Variants in PRR14L observed in about 807,000 individuals in gnomAD.
PRR14L encodes the protein proline rich 14 like.
In PRR14L, 80 loss-of-function variants were observed where a neutral mutation model predicts 155.0. The observed-to-expected ratio is 0.52, with a 90% CI of 0.43 to 0.62. The LOEUF (loss-of-function observed/expected upper bound fraction) is 0.62. Ranked by LOEUF, PRR14L falls within the 20% of genes least tolerant of loss-of-function variation. The pLI, the probability that PRR14L is intolerant of heterozygous loss-of-function variation, is 0.00. For synonymous variants in PRR14L, 883 were observed against 916.0 expected (o/e 0.96, Z 0.65); for missense variants, 2,469 against 2,548.0 (o/e 0.97, Z 0.67).
chr22:31,685,987 C>T (rs530223908), intron 8 of PRR14L, among the ~76,000 whole-genome samples, 184 bp from the exon 9 acceptor site: 70 of 152,052 alleles, frequency 4.6e-4, no homozygotes, highest in African/African-American at 1.4e-3. Context: ...CAGGCTGGAG[C>T]GCAATGGCAT....
At chr22:31,704,172 T>G (rs2074577716) in intron 5 of PRR14L, among the ~76,000 whole-genome samples, 1 of 152,214 alleles carries the variant, frequency 6.6e-6, no homozygotes, top group Non-Finnish European at 1.5e-5. Context: ...ACCTGCATTC[T>G]AGTCACTTCC....
intron 2 of PRR14L, among the ~76,000 whole-genome samples, chr22:31,735,653 A>AAG (rs2074776339): frequency 1.3e-5 from 2 of 151,832 alleles, no homozygotes; most frequent in South Asian, 2.1e-4. Context: ...AAAAAAAAAA[A>AAG]AAAAGAAACT....
Position 31,714,721 on chromosome 22 carries a change from C to T in PRR14L, c.3118G>A (p.Val1040Ile). 6.4e-7 allele frequency: 1 copy of T among 1,552,402 alleles called. No homozygotes were observed. Among genetic ancestry groups the T allele is most frequent in the African/African-American group, 1.4e-5 (1 of 73,194 alleles). Residue 1040 changes from valine (V) to isoleucine (I), a missense_variant, in exon 4 of 9, where the codon GTC (valine) becomes ATC (isoleucine). Val to Ile is a conservative substitution (Grantham distance 29). Around this residue, in one of 2 missense-constraint regions of PRR14L, gnomAD observed 2,363 missense variants for 2,371.6 expected, o/e 1.00. Coordinates refer to ENST00000327423, the MANE Select transcript of PRR14L (RefSeq NM_173566.3). ...PKKCNLKGAF[V>I]KMSGCDESTE... ...GACTCATCACAACCAGACATCTTGA[C>T]AAAGGCTCCTTTCAAATTGCATTTC... is the stretch of plus-strand genomic sequence containing the variant.
rs2074479071 is a variant in PRR14L, at chr22:31,685,728, C to T, written c.6255G>A (p.Lys2085=). 1 of 1,551,650 alleles carries T rather than the reference C, an allele frequency of 6.4e-7. No individual in the cohort carries two copies. Among genetic ancestry groups the T allele is most frequent in the Non-Finnish European group, 8.7e-7 (1 of 1,146,978 alleles). ...TAAAATCCTGAAATTCTAGAACTCG[C>T]TTCCTCTTCTGTTGGCTGATTGAGA... ...TLISISQQKR[K]RVLEFQDFTV... is the part of the protein sequence containing the mutation. Residue 2085 remains lysine (K), a synonymous_variant, in exon 9 of 9, where the codon AAG becomes AAA. Transcript: ENST00000327423.
At chr22:31,707,116 T>G (rs145898412) in intron 4 of PRR14L, among the ~76,000 whole-genome samples, 494 of 152,170 alleles carry the variant, frequency 3.2e-3, no homozygotes, top group Non-Finnish European at 5.4e-3. Context: ...CACATGATGT[T>G]AAGGTATTTT....
chr22:31,745,859 A>T (rs747667), intron 1 of PRR14L, among the ~76,000 whole-genome samples: 28,222 of 137,898 alleles, frequency 0.2, 3,314 homozygotes, highest in African/African-American at 0.33. Context: ...AAAAAAAAAA[A>T]AAATATATAT....
At position 31,714,606 on chromosome 22, in the gene PRR14L, T is replaced by G. The variant is rs2147864014; in HGVS notation, c.3233A>C (p.Asp1078Ala). Residue 1078 changes from aspartate (D) to alanine (A), a missense_variant, in exon 4 of 9, where the codon GAT becomes GCT. Asp to Ala is a moderately radical substitution (Grantham distance 126). This residue lies in a region of PRR14L where 2,363 missense variants were observed against 2,371.6 expected (regional missense o/e 1.00). Transcript: ENST00000327423. ...CAGTTTCTCTTGCCTTGCACCACAA[T>G]CCAGTAGATTAGATGCCTTCACGTC... ...VLDVKASNLLDCGARQEKLAF... is the reference protein window; with the variant it reads ...VLDVKASNLLACGARQEKLAF... 1 of 1,551,968 alleles carries G rather than the reference T, an allele frequency of 6.4e-7. No homozygotes were observed.
chr22:31,697,369 T>C (rs2074540385), intron 7 of PRR14L, among the ~76,000 whole-genome samples: 1 of 151,332 alleles, frequency 6.6e-6, no homozygotes, highest in African/African-American at 2.4e-5. Context: ...AGGTATCTCA[T>C]GGAAAGGAGT....
chr22:31,727,572 C>T (rs1354264907), intron 2 of PRR14L, among the ~76,000 whole-genome samples: 1 of 152,036 alleles, frequency 6.6e-6, no homozygotes, highest in Non-Finnish European at 1.5e-5. Flanking sequence ...GAGAGACTTC[C>T]TCCCTGACTT....
chr22:31,731,902 G>A (rs1390586048), intron 2 of PRR14L, among the ~76,000 whole-genome samples: 1 of 152,160 alleles, frequency 6.6e-6, no homozygotes, highest in Non-Finnish European at 1.5e-5. Flanking sequence ...TTGTAATACA[G>A]TTAAGACTCA....
Position 31,715,857 on chromosome 22 carries a change from T to C in PRR14L, c.1982A>G (p.Gln661Arg). Residue 661 changes from glutamine to arginine, a missense_variant, in exon 4 of 9, where the codon CAA becomes CGA. By Grantham distance (43) the Gln-to-Arg change is conservative. Transcript: ENST00000327423. Reference sequence around the variant, plus strand: ...GTCAGTTGGCAAATTTGCATGTTCTTGAGAATTAAGGGACACTTGTTGATT... The same window carrying C: ...GTCAGTTGGCAAATTTGCATGTTCTCGAGAATTAAGGGACACTTGTTGATT... ...VLNQQVSLNS[Q>R]EHANLPTDSL... is the part of the protein sequence containing the mutation. The C allele has an allele frequency of 6.4e-7, 1 of 1,551,410 alleles. No homozygotes were observed. The highest frequency in any genetic ancestry group is 8.7e-7 in the Non-Finnish European group (1 of 1,146,720).
intron 2 of PRR14L, among the ~76,000 whole-genome samples, chr22:31,728,681 A>G (rs1266623825): frequency 6.8e-6 from 1 of 146,064 alleles, no homozygotes; most frequent in African/African-American, 2.5e-5. Flanking sequence ...GTGCCACTGC[A>G]CTCCAGCCTG....
Position 31,712,104 on chromosome 22 carries a change from G to A in PRR14L, c.5735C>T (p.Pro1912Leu), listed in dbSNP as rs1400754822. The change falls in exon 4 of 9, where the codon CCA becomes CTA. Residue 1912 changes from proline to leucine, a missense_variant. Pro to Leu is a moderately conservative substitution (Grantham distance 98, BLOSUM62 -3). Transcript: ENST00000327423. ...TTACCTGCTTGTGGTGCCCAGACTT[G>A]GTTGCCGCTTGCAGTGAGGGGAATG... ...SLHSPHCKRQ[P>L]SLGTTSSHTM... 6.2e-7 allele frequency: 1 copy of A among 1,612,300 alleles called. No individual in the cohort carries two copies. Among genetic ancestry groups the A allele is most frequent in the South Asian group, 1.1e-5 (1 of 90,894 alleles).
intron 3 of PRR14L, among the ~76,000 whole-genome samples, chr22:31,725,215 T>C (rs2074710064): frequency 6.6e-6 from 1 of 151,998 alleles, no homozygotes; most frequent in African/African-American, 2.4e-5. Context: ...GGCAACATGG[T>C]GAGACCTTGC....
chr22:31,716,789 A>G lies in PRR14L; in HGVS notation c.1050T>C (p.Ser350=), dbSNP rs1569499060. 2 of 1,551,744 alleles carry G rather than the reference A, an allele frequency of 1.3e-6. No homozygotes were observed. Among genetic ancestry groups the G allele is most frequent in the African/African-American group, 1.4e-5 (1 of 73,062 alleles). The change falls in exon 4 of 9, where the codon TCT becomes TCC. Residue 350 remains serine (S), a synonymous_variant. Coordinates refer to ENST00000327423, the MANE Select transcript of PRR14L (RefSeq NM_173566.3). ...AGGATATTGTTCTGGATTCTGGACC[A>G]GACAAGTCTGATGTGAAACATGAAA... is the stretch of plus-strand genomic sequence containing the variant. The part of the protein sequence containing the change: ...SEVSCFTSDL[S]GPESRTISLE...
chr22:31,715,189 C>T lies in PRR14L; in HGVS notation c.2650G>A (p.Gly884Arg). 1 of 1,552,062 alleles carries T rather than the reference C, an allele frequency of 6.4e-7. No homozygotes were observed. Among genetic ancestry groups the T allele is most frequent in the South Asian group, 1.2e-5 (1 of 84,060 alleles). ...GTGTGAATGGTTTTGTTTGAAATTC[C>T]ACTATTTAACAAGCCTGCTACCATT... ...NKMVAGLLNS[G>R]ISNKTIHTSS... The change falls in exon 4 of 9, where the codon GGA becomes AGA. Residue 884 changes from glycine (G) to arginine (R), a missense_variant. By Grantham distance (125) the Gly-to-Arg change is moderately radical. Transcript: ENST00000327423.
intron 4 of PRR14L, among the ~76,000 whole-genome samples, chr22:31,707,273 AAG>A (rs887208463): frequency 9.8e-5 from 15 of 152,352 alleles, no homozygotes; most frequent in African/African-American, 3.4e-4. Flanking sequence ...GTGGGAAAGA[AAG>A]AGCTCTCGAA....
chr22:31,714,813 T>A lies in PRR14L; in HGVS notation c.3026A>T (p.Asn1009Ile). The change falls in exon 4 of 9, where the codon AAC (asparagine) becomes ATC (isoleucine). Residue 1009 changes from asparagine to isoleucine, a missense_variant. Physicochemically the swap from Asn to Ile is moderately radical, Grantham distance 149. This residue lies in a region of PRR14L where 2,363 missense variants were observed against 2,371.6 expected (regional missense o/e 1.00). Coordinates refer to ENST00000327423, the MANE Select transcript of PRR14L (RefSeq NM_173566.3). The part of the protein sequence containing the change: ...ETVTEPHGEV[N>I]HNQKDLLVSS... ...GACCAGCAGATCCTTTTGGTTGTGG[T>A]TTACCTCCCCGTGAGGCTCGGTGAC... The A allele has an allele frequency of 6.4e-7, 1 of 1,552,226 alleles. No homozygotes were observed. Among genetic ancestry groups the A allele is most frequent in the Non-Finnish European group, 8.7e-7 (1 of 1,147,110 alleles).
At chr22:31,689,258 A>G (rs56865168) in intron 7 of PRR14L, among the ~76,000 whole-genome samples, 26 of 152,314 alleles carry the variant, frequency 1.7e-4, no homozygotes, top group African/African-American at 6.0e-4. Context: ...CTGAGGCAAG[A>G]GAATTGTTGA....
Sources: gnomAD v4.1 joint callset for allele counts (sites outside exome capture counted in the v4.1 genomes callset) on GRCh38, gnomAD v4.1.1 for gene constraint, gnomAD v4.1.1 regional missense constraint, MANE v1.5 for transcripts, NCBI Gene and HGNC (gene_info 2026-07-23, HGNC 2026-07-21) for gene names.